Variants in TRPC4 observed in about 807,000 individuals in gnomAD.
TRPC4 encodes the protein transient receptor potential cation channel subfamily C member 4, also known as short transient receptor potential channel 4.
A neutral mutation model predicts 99.4 loss-of-function variants in TRPC4; 49 were observed. That is an observed-to-expected ratio of 0.49 (90% CI 0.39 to 0.63). TRPC4 has a LOEUF of 0.63. Among genes scored for constraint, TRPC4 ranks in the 20% least tolerant of loss-of-function variants. The pLI, the probability that TRPC4 is intolerant of heterozygous loss-of-function variation, is 0.00. For synonymous variants in TRPC4, 454 were observed against 425.9 expected (o/e 1.07, Z -0.81); for missense variants, 898 against 1,152.9 (o/e 0.78, Z 3.20).
At chr13:37,682,742 T>G (rs1953293741) in intron 4 of TRPC4, among the ~76,000 whole-genome samples, 1 of 151,990 alleles carries the variant, frequency 6.6e-6, no homozygotes, top group Non-Finnish European at 1.5e-5. Flanking sequence ...GTTTCTGTTT[T>G]GTTTTTGTCG....
chr13:37,810,004 AAG>A (rs1491285862), intron 1 of TRPC4, among the ~76,000 whole-genome samples: 3 of 137,754 alleles, frequency 2.2e-5, no homozygotes, highest in Non-Finnish European at 4.8e-5. Flanking sequence ...ATATGAATTC[AAG>A]AGTTTTCTTA....
chr13:37,827,020 G>A (rs2780351), intron 1 of TRPC4, among the ~76,000 whole-genome samples: 49,364 of 151,024 alleles, frequency 0.33, 8,332 homozygotes, highest in East Asian at 0.53. Context: ...CATTTCATTC[G>A]TTTCATCTTC....
intron 3 of TRPC4, among the ~76,000 whole-genome samples, chr13:37,696,299 G>A (rs1953902738): frequency 6.6e-6 from 1 of 152,166 alleles, no homozygotes; most frequent in South Asian, 2.1e-4. Flanking sequence ...TACAATTCAA[G>A]ATGAGATTTG....
chr13:37,819,881 G>C (rs1228838562), intron 1 of TRPC4, among the ~76,000 whole-genome samples: 1 of 148,306 alleles, frequency 6.7e-6, no homozygotes, highest in Non-Finnish European at 1.5e-5. Flanking sequence ...ATCACACCTA[G>C]AGGAACTAAA....
At chr13:37,644,790 G>A (rs1020061503) in intron 8 of TRPC4, among the ~76,000 whole-genome samples, 2 of 148,364 alleles carry the variant, frequency 1.3e-5, no homozygotes, top group African/African-American at 5.0e-5. Context: ...GGAGAATGGC[G>A]TGAACCCGGG....
intron 5 of TRPC4, among the ~76,000 whole-genome samples, chr13:37,672,193 A>G (rs1465267116): frequency 1.3e-5 from 2 of 152,226 alleles, no homozygotes; most frequent in East Asian, 3.8e-4. Flanking sequence ...ATGTAAGCAT[A>G]CTCACTACGT....
chr13:37,651,533 G>A lies in TRPC4; in HGVS notation c.1885-74C>T, dbSNP rs1056967520. On this transcript the variant is annotated intron_variant, in intron 7 of 10. Transcript: ENST00000379705. ...GTACCATAAATCTCACAGAGATCCT[G>A]TAACCTGACTTCAAGCGGCTCTTGG... The A allele has an allele frequency of 4.4e-6, 6 of 1,369,310 alleles. No individual in the cohort carries two copies. The African/African-American group carries it at 7.2e-5, about 16-fold the overall frequency. The allele number at this position is 1,369,310 out of a possible 1,614,324, so 84.8% of individuals were successfully genotyped here.
chr13:37,747,431 T>A (rs1254211597), intron 2 of TRPC4, among the ~76,000 whole-genome samples: 1 of 152,210 alleles, frequency 6.6e-6, no homozygotes, highest in East Asian at 1.9e-4. Flanking sequence ...GCACTTTTAG[T>A]TTATTTATTT....
intron 4 of TRPC4, among the ~76,000 whole-genome samples, chr13:37,688,461 T>C (rs893261612): frequency 6.6e-6 from 1 of 152,172 alleles, no homozygotes; most frequent in Non-Finnish European, 1.5e-5. Flanking sequence ...AAAACCATAA[T>C]TCTTAAGAAG....
chr13:37,864,638 C>G (rs527667529), intron 1 of TRPC4, among the ~76,000 whole-genome samples: 2 of 151,554 alleles, frequency 1.3e-5, no homozygotes, highest in African/African-American at 4.8e-5. Flanking sequence ...GAAAATCCTC[C>G]GGTTTTCTTT....
chr13:37,768,995 T>C lies in TRPC4; in HGVS notation c.378+13961A>G, dbSNP rs148419412. ...CCCAAAGAAATATAGATCATGGTGG[T>C]TCACATTTTTTGGGTAACTTTTAAT... On this transcript the variant is annotated intron_variant, in intron 2 of 10. Transcript: ENST00000379705. 6.6e-5 allele frequency among the ~76,000 whole-genome samples: 10 copies of C among 151,492 alleles called. No individual in the cohort carries two copies. In the East Asian group the frequency reaches 1.2e-3, roughly 18 times the overall value.
Position 37,821,190 on chromosome 13 carries a change from CCACACACA to C in TRPC4, c.-27-37838_-27-37831del, listed in dbSNP as rs3086254. On this transcript the variant is annotated intron_variant, in intron 1 of 10. Transcript: ENST00000379705. ...ATGAATGAAATCACATTCACAATAG[CCACACACA>C]CACACACACACACACACACACACAC... Among the ~76,000 whole-genome samples the C allele has an allele frequency of 1.5e-3, 202 of 136,014 alleles. 1 individual carries two copies. Among genetic ancestry groups the C allele is most frequent in the East Asian group, 3.0e-3 (13 of 4,394 alleles). 89.2% of individuals were successfully genotyped at this position (136,014 alleles called of 152,430 possible).
At chr13:37,665,024 C>T (rs1037770160) in intron 5 of TRPC4, among the ~76,000 whole-genome samples, 12 of 151,892 alleles carry the variant, frequency 7.9e-5, no homozygotes, top group Non-Finnish European at 1.3e-4. Flanking sequence ...ACATAGCTTC[C>T]GCATAAAATA....
At chr13:37,637,688 C>T (rs1951579887) in intron 10 of TRPC4, 63 bp from the exon 11 acceptor site, 5 of 1,464,228 alleles carry the variant, frequency 3.4e-6, no homozygotes, top group East Asian at 2.3e-5. Context: ...ATCATTTTCT[C>T]GTCTCATATA....
At chr13:37,745,295 C>A (rs1955706518) in intron 3 of TRPC4, among the ~76,000 whole-genome samples, 1 of 151,452 alleles carries the variant, frequency 6.6e-6, no homozygotes, top group Non-Finnish European at 1.5e-5. Flanking sequence ...CCCTACGGGA[C>A]CCATGGATAG....
chr13:37,706,297 A>C (rs574573393), intron 3 of TRPC4, among the ~76,000 whole-genome samples: 18 of 152,292 alleles, frequency 1.2e-4, no homozygotes, highest in African/African-American at 4.3e-4. Flanking sequence ...AACCTCAACA[A>C]CAAGGACGCT....
chr13:37,692,533 G>C (rs1035873839), intron 3 of TRPC4, among the ~76,000 whole-genome samples, 198 bp from the exon 4 acceptor site: 1 of 152,208 alleles, frequency 6.6e-6, no homozygotes, highest in Non-Finnish European at 1.5e-5. Context: ...CCAAGGCACA[G>C]TATGACATGC....
chr13:37,722,353 G>C (rs555332447), intron 3 of TRPC4, among the ~76,000 whole-genome samples: 1 of 152,236 alleles, frequency 6.6e-6, no homozygotes, highest in Admixed American at 6.5e-5. Flanking sequence ...CCACTGGCTC[G>C]ATTAATTACA....
chr13:37,783,439 A>T, intron 1 of TRPC4, 79 bp from the exon 2 acceptor site: 2 of 1,151,830 alleles, frequency 1.7e-6, no homozygotes, highest in Non-Finnish European at 2.3e-6. Context: ...TCTCCAACTC[A>T]CAGTGATATC....
Sources: allele counts gnomAD v4.1 joint callset (sites outside exome capture counted in the v4.1 genomes callset), GRCh38; gene constraint gnomAD v4.1.1; transcripts MANE v1.5; gene names NCBI Gene and HGNC (gene_info 2026-07-23, HGNC 2026-07-21).